The following ITSN1 variants were observed in gnomAD, a reference collection of about 807,000 sequenced individuals.
ITSN1 encodes the protein intersectin-1.
Under a neutral mutation model 239.8 loss-of-function variants are expected in ITSN1, and 58 were observed. That is an observed-to-expected ratio of 0.24 (90% confidence interval 0.20 to 0.30). ITSN1 has a LOEUF of 0.30. Among genes scored for constraint, ITSN1 ranks in the 10% least tolerant of loss-of-function variants. ITSN1 has a pLI of 1.00. For synonymous variants in ITSN1, 780 were observed against 770.8 expected (o/e 1.01, Z -0.20); for missense variants, 1,558 against 2,103.3 (o/e 0.74, Z 5.07).
At chr21:33,849,180 G>T (rs1474280709) in intron 29 of ITSN1, among the ~76,000 whole-genome samples, 1 of 152,182 alleles carries the variant, frequency 6.6e-6, no homozygotes, top group Non-Finnish European at 1.5e-5. Flanking sequence ...GGAGGTTGCA[G>T]TGAGCTGAGA....
intron 1 of ITSN1, among the ~76,000 whole-genome samples, chr21:33,684,424 G>A (rs2834247): frequency 0.2 from 30,874 of 152,170 alleles, 3,467 homozygotes; most frequent in Non-Finnish European, 0.23. Flanking sequence ...TTAAAATGTG[G>A]AATAGCATGA....
At chr21:33,689,351 A>G (rs1024470500) in intron 1 of ITSN1, 1 of 152,176 alleles carries the variant, frequency 6.6e-6, no homozygotes, top group Non-Finnish European at 1.5e-5. Context: ...CAAATGCGGC[A>G]TCTGTGTAGC....
At chr21:33,693,442 C>T (rs987371441) in intron 1 of ITSN1, among the ~76,000 whole-genome samples, 9 of 150,466 alleles carry the variant, frequency 6.0e-5, no homozygotes, top group African/African-American at 2.2e-4. Flanking sequence ...CTGCAACCTC[C>T]GCCTCCCAGG....
chr21:33,799,968 G>GATT, intron 19 of ITSN1, 39 bp downstream of exon 19: 1 of 1,596,180 alleles, frequency 6.3e-7, no homozygotes. Flanking sequence ...TTCTGTTGAA[G>GATT]ATTAGCCTCT....
At chr21:33,885,928 CG>C (rs1985718619) in intron 38 of ITSN1, among the ~76,000 whole-genome samples, 1 of 151,714 alleles carries the variant, frequency 6.6e-6, no homozygotes, top group Non-Finnish European at 1.5e-5. Context: ...GGGGAGCGGC[CG>C]GGCATGGTGG....
intron 27 of ITSN1, among the ~76,000 whole-genome samples, chr21:33,833,456 A>G (rs2074410457): frequency 6.6e-6 from 1 of 152,218 alleles, no homozygotes; most frequent in Non-Finnish European, 1.5e-5. Flanking sequence ...TTGGCTTGCC[A>G]CTAACTGCCT....
Position 33,761,907 on chromosome 21 carries a change from C to G in ITSN1, c.725-16C>G, listed in dbSNP as rs367975857. The G allele has an allele frequency of 6.2e-7, 1 of 1,606,930 alleles. No individual in the cohort carries two copies. Among genetic ancestry groups the G allele is most frequent in the Non-Finnish European group, 8.5e-7 (1 of 1,173,516 alleles). On this transcript the variant is annotated splice_polypyrimidine_tract_variant and intron_variant, in intron 8 of 39. Transcript: ENST00000381318. ...TGCTGACTCATCTGTATGTCCTTTT[C>G]CTGGTTCCTGTTTAGGTCCCCAAGC...
At chr21:33,814,937 C>T (rs1017785177) in intron 22 of ITSN1, among the ~76,000 whole-genome samples, 3 of 152,000 alleles carry the variant, frequency 2.0e-5, no homozygotes, top group African/African-American at 7.2e-5. Flanking sequence ...AGGTTGGAGT[C>T]ACAATGCCTA....
At chr21:33,832,690 A>G (rs1381614924) in intron 27 of ITSN1, among the ~76,000 whole-genome samples, 2 of 152,210 alleles carry the variant, frequency 1.3e-5, no homozygotes, top group East Asian at 1.9e-4. Context: ...GGCTTCAGTC[A>G]TCGGCAGGTT....
chr21:33,832,204 A>G (rs1297076897), intron 27 of ITSN1, among the ~76,000 whole-genome samples: 1 of 152,158 alleles, frequency 6.6e-6, no homozygotes, highest in Non-Finnish European at 1.5e-5. Flanking sequence ...ACCAGCGGCC[A>G]ACCAGCTCCA....
intron 1 of ITSN1, among the ~76,000 whole-genome samples, chr21:33,682,558 C>T (rs968161010): frequency 6.6e-6 from 1 of 151,476 alleles, no homozygotes; most frequent in African/African-American, 2.4e-5. Flanking sequence ...TGGAGCCTCT[C>T]TCTGTTGCCC....
At chr21:33,669,720 C>T (rs1027050614) in intron 1 of ITSN1, among the ~76,000 whole-genome samples, 2 of 152,008 alleles carry the variant, frequency 1.3e-5, no homozygotes, top group Admixed American at 6.6e-5. Context: ...GGATTACAGG[C>T]GTGAGCCACC....
intron 1 of ITSN1, among the ~76,000 whole-genome samples, chr21:33,699,148 A>G (rs2834249): frequency 0.26 from 39,575 of 151,996 alleles, 5,618 homozygotes; most frequent in Middle Eastern, 0.37. Flanking sequence ...TAAAATATAC[A>G]CATTTTTATG....
intron 4 of ITSN1, among the ~76,000 whole-genome samples, chr21:33,732,565 G>A (rs1033214043): frequency 2.6e-5 from 4 of 152,090 alleles, no homozygotes; most frequent in Admixed American, 6.6e-5. Flanking sequence ...GAGCAAGAAC[G>A]CATTCAGTAA....
intron 33 of ITSN1, among the ~76,000 whole-genome samples, chr21:33,874,767 G>GC (rs1159377590): frequency 6.6e-6 from 1 of 150,652 alleles, no homozygotes; most frequent in Non-Finnish European, 1.5e-5. Context: ...TTCTGCCTCA[G>GC]CCCCCCGAGT....
rs1401223826 is a variant in ITSN1, at chr21:33,888,075, G to A, written c.5018-77G>A. 1.1e-5 allele frequency: 16 copies of A among 1,469,780 alleles called. No individual in the cohort carries two copies. The African/African-American group carries it at 2.2e-4, about 21-fold the overall frequency. 91.0% of individuals were successfully genotyped at this position (1,469,780 alleles called of 1,614,324 possible). A position where few individuals can be genotyped will look rare whatever the true frequency, so the allele number is the denominator to read the frequency against. The stretch of plus-strand genomic sequence containing the variant: ...GGAGAGCATAACAGTTCATCAGGGG[G>A]TCCCCAATATGCCAGACATGTGCCT... On this transcript the variant is annotated intron_variant, in intron 39 of 39. Transcript: ENST00000381318.
At position 33,889,617 on chromosome 21, in the gene ITSN1, T is replaced by C. The variant is rs552780470; in HGVS notation, c.*1317T>C. The stretch of plus-strand genomic sequence containing the variant: ...AAGTGGGGGCCGTGTTTTGTTTGCA[T>C]GTTAATATTCTCATAATCCTAGTTT... On this transcript the variant is annotated 3_prime_UTR_variant, in exon 40 of 40. Transcript: ENST00000381318. The C allele has an allele frequency of 6.6e-6, 1 of 152,340 alleles. No individual in the cohort carries two copies. Among genetic ancestry groups the C allele is most frequent in the South Asian group, 2.1e-4 (1 of 4,826 alleles). The allele number at this position is 152,340 out of a possible 1,614,324, so 9.4% of individuals were successfully genotyped here. A position where few individuals can be genotyped will look rare whatever the true frequency, so the allele number is the denominator to read the frequency against.
At chr21:33,721,437 A>G (rs2065474241) in intron 3 of ITSN1, among the ~76,000 whole-genome samples, 167 bp downstream of exon 3, 2 of 152,200 alleles carry the variant, frequency 1.3e-5, no homozygotes, top group Admixed American at 6.5e-5. Context: ...ACATAATGGA[A>G]TCATACCTTG....
chr21:33,813,558 G>C (rs2073059479), intron 21 of ITSN1, among the ~76,000 whole-genome samples: 1 of 151,962 alleles, frequency 6.6e-6, no homozygotes, highest in South Asian at 2.1e-4. Flanking sequence ...TCACCATGTT[G>C]GTCAGACTGG....
Sources: allele counts gnomAD v4.1 joint callset (sites outside exome capture counted in the v4.1 genomes callset), GRCh38; gene constraint gnomAD v4.1.1; transcripts MANE v1.5; gene names NCBI Gene and HGNC (gene_info 2026-07-23, HGNC 2026-07-21).